SNX13: variants seen among roughly 807,000 people sequenced by gnomAD.
SNX13 encodes the protein sorting nexin-13.
In SNX13, 45 loss-of-function variants were observed where a neutral mutation model predicts 133.6. The ratio of observed to expected loss-of-function variants is 0.34; its 90% CI spans 0.27 to 0.43. The LOEUF (loss-of-function observed/expected upper bound fraction) is 0.43. Among genes scored for constraint, SNX13 ranks in the 20% least tolerant of loss-of-function variants. The pLI, the probability that SNX13 is intolerant of heterozygous loss-of-function variation, is 1.00. For missense variants in SNX13, 1,032 were observed against 1,145.1 expected (o/e 0.90, Z 1.43); for synonymous variants, 414 against 373.9 (o/e 1.11, Z -1.24).
At chr7:17,828,404 A>C (rs1237767197) in intron 16 of SNX13, among the ~76,000 whole-genome samples, 1 of 151,748 alleles carries the variant, frequency 6.6e-6, no homozygotes, top group Non-Finnish European at 1.5e-5. Context: ...ACTAAGACAA[A>C]AACTGAAAAT....
Position 17,821,600 on chromosome 7 carries a change from A to G in SNX13, c.1754T>C (p.Val585Ala). The G allele has an allele frequency of 6.2e-7, 1 of 1,613,702 alleles. No homozygotes were observed. The highest frequency in any genetic ancestry group is 8.5e-7 in the Non-Finnish European group (1 of 1,179,686). ...CTCACTGTTTAGGTTGCGCCGGTGT[A>G]CAGTGATGGCATATAATGCATATGT... ...GKTYALYAIT[V>A]HRRNLNSEEM... The change falls in exon 18 of 26, where the codon GTA becomes GCA. Residue 585 changes from valine to alanine, a missense_variant. Val to Ala is a moderately conservative substitution (Grantham distance 64). Transcript: ENST00000428135.
intron 9 of SNX13, among the ~76,000 whole-genome samples, chr7:17,851,857 A>G (rs1043065993): frequency 1.3e-5 from 2 of 152,206 alleles, no homozygotes; most frequent in African/African-American, 4.8e-5. Context: ...AAGGAAGACT[A>G]CACAGAAATA....
rs1788295375 is a variant in SNX13 at position 17,829,950 on chromosome 7, G to A, written c.1635+60C>T. ...TATATCATTTATTTATATATGTTAA[G>A]GCTCAGCCTTTTACATTATTTTCAA... On this transcript the variant is annotated intron_variant, in intron 16 of 25. Coordinates refer to ENST00000428135, the MANE Select transcript of SNX13 (RefSeq NM_015132.5). 3.3e-6 allele frequency: 4 copies of A among 1,225,422 alleles called. No homozygotes were observed. In the Admixed American group the frequency reaches 6.6e-5, roughly 20 times the overall value. 75.9% of individuals were successfully genotyped at this position (1,225,422 alleles called of 1,614,324 possible). A position where few individuals can be genotyped will look rare whatever the true frequency, so the allele number is the denominator to read the frequency against.
chr7:17,934,394 C>G (rs1801794566), intron 1 of SNX13, among the ~76,000 whole-genome samples: 1 of 152,162 alleles, frequency 6.6e-6, no homozygotes, highest in Non-Finnish European at 1.5e-5. Context: ...GTCAACTTGA[C>G]TATATTAAGG....
chr7:17,834,870 CAG>C lies in SNX13; in HGVS notation c.1360-7_1360-6del. ...AACAGTAACTCTTGGAGATGCCTAA[CAG>C]AGAAAAATAATAGTAATGATCTCTG... On this transcript the variant is annotated splice_region_variant and splice_polypyrimidine_tract_variant and intron_variant, in intron 13 of 25. Coordinates refer to ENST00000428135, the MANE Select transcript of SNX13 (RefSeq NM_015132.5). The C allele has an allele frequency of 4.6e-6, 7 of 1,537,924 alleles. No homozygotes were observed. Among genetic ancestry groups the C allele is most frequent in the Non-Finnish European group, 6.3e-6 (7 of 1,116,052 alleles).
chr7:17,891,663 AG>A, intron 3 of SNX13, 28 bp from the exon 4 acceptor site: 2 of 1,528,552 alleles, frequency 1.3e-6, no homozygotes, highest in Non-Finnish European at 1.8e-6. Context: ...TATCTTACTG[AG>A]TAGTTTTCTG....
intron 11 of SNX13, among the ~76,000 whole-genome samples, chr7:17,849,774 G>A (rs1297095121): frequency 6.6e-6 from 1 of 152,060 alleles, no homozygotes; most frequent in Non-Finnish European, 1.5e-5. Flanking sequence ...ATACTTCAAA[G>A]GCAAACAAAA....
chr7:17,799,966 T>A (rs565874631), intron 22 of SNX13, among the ~76,000 whole-genome samples: 1 of 151,850 alleles, frequency 6.6e-6, no homozygotes, highest in African/African-American at 2.4e-5. Flanking sequence ...AAAGCATGAG[T>A]TATACATTTT....
intron 8 of SNX13, among the ~76,000 whole-genome samples, chr7:17,869,682 A>G (rs1793829885): frequency 6.6e-6 from 1 of 152,096 alleles, no homozygotes; most frequent in African/African-American, 2.4e-5. Flanking sequence ...GGCACCAGTA[A>G]TTTTTTTGAA....
At position 17,875,488 on chromosome 7, in the gene SNX13, T is replaced by C; in HGVS notation, c.656A>G (p.Asp219Gly). 1 of 1,606,438 alleles carries C rather than the reference T, an allele frequency of 6.2e-7. No homozygotes were observed. The change falls in exon 7 of 26, where the codon GAT becomes GGT. Residue 219 changes from aspartate to glycine, a missense_variant. Transcript: ENST00000428135. ...CRDLVCTSPKDEEGFLRDLCE... is the reference protein window; with the variant it reads ...CRDLVCTSPKGEEGFLRDLCE... ...TTAAATTAAAAGAAAACCTTCTTCA[T>C]CTTTGGGGGAAGTGCACACTAGATC...
chr7:17,848,079 T>C (rs1459111507), intron 11 of SNX13, among the ~76,000 whole-genome samples: 1 of 152,030 alleles, frequency 6.6e-6, no homozygotes, highest in Non-Finnish European at 1.5e-5. Flanking sequence ...AAACCACCCA[T>C]GGCCGCACAC....
At chr7:17,838,964 C>T (rs1381158119) in intron 13 of SNX13, among the ~76,000 whole-genome samples, 1 of 150,272 alleles carries the variant, frequency 6.7e-6, no homozygotes, top group South Asian at 2.1e-4. Flanking sequence ...TACAGTATTA[C>T]ATTACCTATT....
Position 17,865,797 on chromosome 7 carries a change from A to T in SNX13, c.837+2610T>A, listed in dbSNP as rs190136215. Among the ~76,000 whole-genome samples the T allele has an allele frequency of 2.8e-3, 428 of 152,274 alleles. 12 individuals carry two copies. Among genetic ancestry groups the T allele is most frequent in the Admixed American group, 0.025 (387 of 15,292 alleles). ...TACTGGCATAAAAACAGACACATAA[A>T]CCAATGGAACAGAATAGAGAACACA... is the stretch of plus-strand genomic sequence containing the variant. On this transcript the variant is annotated intron_variant, in intron 9 of 25. Transcript: ENST00000428135.
chr7:17,871,289 G>A (rs980526944), intron 8 of SNX13, among the ~76,000 whole-genome samples: 1 of 152,160 alleles, frequency 6.6e-6, no homozygotes, highest in Non-Finnish European at 1.5e-5. Context: ...ACAGGCGTGA[G>A]CCACCGCGCC....
chr7:17,821,861 T>C (rs1353806048), intron 17 of SNX13, among the ~76,000 whole-genome samples: 1 of 152,138 alleles, frequency 6.6e-6, no homozygotes, highest in Non-Finnish European at 1.5e-5. Context: ...TTACATATAA[T>C]GGCTAAATTA....
intron 5 of SNX13, chr7:17,880,605 G>C (rs1236274949): frequency 1.3e-5 from 2 of 152,140 alleles, no homozygotes; most frequent in Non-Finnish European, 2.9e-5. Flanking sequence ...TCCAAGGGTG[G>C]AAACAGAAGT....
intron 8 of SNX13, among the ~76,000 whole-genome samples, chr7:17,870,277 G>A (rs1793932156): frequency 6.6e-6 from 1 of 152,158 alleles, no homozygotes; most frequent in Non-Finnish European, 1.5e-5. Context: ...CTCAAATACT[G>A]TGACTTACAC....
chr7:17,932,876 T>C (rs1311446913), intron 1 of SNX13, among the ~76,000 whole-genome samples: 3 of 152,244 alleles, frequency 2.0e-5, no homozygotes, highest in Admixed American at 6.5e-5. Context: ...TATCATTTTA[T>C]TCTGACAAAA....
intron 9 of SNX13, among the ~76,000 whole-genome samples, chr7:17,851,859 A>G (rs1791251801): frequency 2.0e-5 from 3 of 152,184 alleles, no homozygotes; most frequent in Admixed American, 2.0e-4. Flanking sequence ...GGAAGACTAC[A>G]CAGAAATACG....
Sources: gnomAD v4.1 joint callset for allele counts (sites outside exome capture counted in the v4.1 genomes callset) on GRCh38, gnomAD v4.1.1 for gene constraint, MANE v1.5 for transcripts, NCBI Gene and HGNC (gene_info 2026-07-23, HGNC 2026-07-21) for gene names.